Variants in PDGFRL observed in about 807,000 individuals in gnomAD.
The protein encoded by PDGFRL is platelet derived growth factor receptor like.
A neutral mutation model predicts 37.2 loss-of-function variants in PDGFRL; 46 were observed. The ratio of observed to expected loss-of-function variants is 1.24; its 90% confidence interval spans 0.98 to 1.58. The LOEUF (loss-of-function observed/expected upper bound fraction) is 1.58. Ranked by LOEUF, PDGFRL falls within the 40% of genes most tolerant of loss-of-function variation. The pLI is 0.00. For missense variants in PDGFRL, 692 were observed against 467.6 expected (o/e 1.48, Z -4.43); for synonymous variants, 251 against 184.3 (o/e 1.36, Z -2.93).
chr8:17,587,746 G>T (rs140581981), intron 1 of PDGFRL, among the ~76,000 whole-genome samples: 227 of 151,270 alleles, frequency 1.5e-3, no homozygotes, highest in African/African-American at 5.2e-3. Flanking sequence ...TTGTGCCTCA[G>T]CCTCCCGAGT....
At chr8:17,637,140 C>T (rs1804987438) in intron 5 of PDGFRL, among the ~76,000 whole-genome samples, 1 of 152,148 alleles carries the variant, frequency 6.6e-6, no homozygotes, top group Non-Finnish European at 1.5e-5. Flanking sequence ...GCGAGGACTT[C>T]CAGTACTATG....
Position 17,639,183 on chromosome 8 carries a change from C to G in PDGFRL, c.940-3430C>G, listed in dbSNP as rs79421694. On this transcript the variant is annotated intron_variant, in intron 5 of 5. Coordinates refer to ENST00000251630, the MANE Select transcript of PDGFRL (RefSeq NM_001372073.1). ...TGTTAGGTGAGTCTCTTCAAAACAG[C>G]AGATACTTGGTTGGTGACTTCTTAC... Among the ~76,000 whole-genome samples, 60 of 152,248 alleles carry G rather than the reference C, an allele frequency of 3.9e-4. No individual in the cohort carries two copies. In the East Asian group the frequency reaches 0.01, roughly 27 times the overall value.
intron 2 of PDGFRL, among the ~76,000 whole-genome samples, chr8:17,613,261 T>C (rs1804458593): frequency 6.6e-6 from 1 of 152,094 alleles, no homozygotes; most frequent in Non-Finnish European, 1.5e-5. Context: ...GTGTCAGGTA[T>C]GGTTTTGGTT....
chr8:17,601,666 G>C (rs527578433), intron 2 of PDGFRL, among the ~76,000 whole-genome samples: 1 of 152,072 alleles, frequency 6.6e-6, no homozygotes, highest in Non-Finnish European at 1.5e-5. Flanking sequence ...TCCTGTCTTT[G>C]TGTCGAGGTG....
At chr8:17,593,767 T>C (rs1332081770) in intron 2 of PDGFRL, among the ~76,000 whole-genome samples, 1 of 151,846 alleles carries the variant, frequency 6.6e-6, no homozygotes, top group Non-Finnish European at 1.5e-5. Flanking sequence ...GGTACATGAC[T>C]GTAATTCCAG....
At chr8:17,587,836 C>A (rs902275504) in intron 1 of PDGFRL, among the ~76,000 whole-genome samples, 1 of 152,034 alleles carries the variant, frequency 6.6e-6, no homozygotes, top group Non-Finnish European at 1.5e-5. Context: ...CGCCATGTTG[C>A]CCAGGCTGGT....
intron 3 of PDGFRL, among the ~76,000 whole-genome samples, chr8:17,624,362 T>C (rs1391785603): frequency 2.6e-5 from 4 of 152,362 alleles, no homozygotes; most frequent in South Asian, 2.1e-4. Flanking sequence ...GCCGTATGTA[T>C]TTCCTCTTTC....
At chr8:17,603,425 C>G (rs900695094) in intron 2 of PDGFRL, among the ~76,000 whole-genome samples, 1 of 152,122 alleles carries the variant, frequency 6.6e-6, no homozygotes, top group African/African-American at 2.4e-5. Flanking sequence ...TTGATCCCTT[C>G]GAGGCTAATA....
chr8:17,593,867 A>G (rs987131865), intron 2 of PDGFRL, among the ~76,000 whole-genome samples: 2 of 150,548 alleles, frequency 1.3e-5, no homozygotes, highest in Non-Finnish European at 3.0e-5. Context: ...CAGCCTGGGC[A>G]ACAAGAGTGA....
In PDGFRL at chr8:17,633,080, G is replaced by A. The variant is rs149240661; in HGVS notation, c.800-994G>A. Among the ~76,000 whole-genome samples the A allele has an allele frequency of 2.5e-4, 38 of 152,246 alleles. 1 individual carries two copies. In the East Asian group the frequency reaches 7.0e-3, roughly 28 times the overall value. On this transcript the variant is annotated intron_variant, in intron 4 of 5. Transcript: ENST00000251630. ...AGAATACAGATTCCAAGGGCTCAGA[G>A]ATCAGGTCCATCACCCTCCCTGCTC... is the stretch of plus-strand genomic sequence containing the variant.
At chr8:17,630,523 A>G (rs1804840430) in intron 4 of PDGFRL, among the ~76,000 whole-genome samples, 2 of 152,088 alleles carry the variant, frequency 1.3e-5, no homozygotes, top group Admixed American at 6.5e-5. Context: ...TTTGTTTAAA[A>G]TCTTCAGTCC....
intron 1 of PDGFRL, among the ~76,000 whole-genome samples, chr8:17,587,734 T>A (rs1277919837): frequency 1.3e-5 from 2 of 151,590 alleles, no homozygotes; most frequent in African/African-American, 4.9e-5. Context: ...TTCAAGCAGT[T>A]CTTGTGCCTC....
At chr8:17,577,003 T>C, upstream of PDGFRL, 1 of 575,008 alleles carries the variant, frequency 1.7e-6, no homozygotes, top group East Asian at 3.0e-5. Flanking sequence ...ACGCTTAGCC[T>C]TTCCTCCCCG....
intron 2 of PDGFRL, among the ~76,000 whole-genome samples, chr8:17,602,416 T>G (rs1046164298): frequency 3.9e-5 from 6 of 152,134 alleles, no homozygotes; most frequent in Admixed American, 3.3e-4. Context: ...TGTGTTGAGA[T>G]AAATTCAGAT....
chr8:17,636,927 G>C (rs1379909294), intron 5 of PDGFRL, among the ~76,000 whole-genome samples: 2 of 152,136 alleles, frequency 1.3e-5, no homozygotes, highest in Non-Finnish European at 2.9e-5. Flanking sequence ...GTTGCTGTTG[G>C]TTTATAGCAG....
chr8:17,642,783 CA>C lies in PDGFRL; in HGVS notation c.1111del (p.Thr371LeufsTer12). On this transcript the variant is annotated frameshift_variant, in exon 6 of 6. Transcript: ENST00000251630. LOFTEE classifies it high-confidence loss of function. Reference sequence around the variant, plus strand: ...TTCAAGGACAGACCACAGTAGCTACCACTGTTGAGTTTTCCTGACTTGGAAA... The same window carrying C: ...TTCAAGGACAGACCACAGTAGCTACCCTGTTGAGTTTTCCTGACTTGGAAA... ...NLQGQTTVAT[T>X]VEFS 1 of 1,603,270 alleles carries C rather than the reference CA, an allele frequency of 6.2e-7. No homozygotes were observed. Among genetic ancestry groups the C allele is most frequent in the Non-Finnish European group, 8.5e-7 (1 of 1,170,880 alleles).
At chr8:17,608,935 G>C (rs554325169) in intron 2 of PDGFRL, among the ~76,000 whole-genome samples, 1 of 152,288 alleles carries the variant, frequency 6.6e-6, no homozygotes, top group African/African-American at 2.4e-5. Flanking sequence ...GAGCCAAGGA[G>C]GGGCCAGGCA....
At chr8:17,591,496 G>A (rs909292509) in intron 2 of PDGFRL, among the ~76,000 whole-genome samples, 2 of 152,020 alleles carry the variant, frequency 1.3e-5, no homozygotes, top group Non-Finnish European at 2.9e-5. Context: ...TAGAATGAAG[G>A]GTAGGGGATG....
intron 2 of PDGFRL, among the ~76,000 whole-genome samples, 196 bp downstream of exon 2, chr8:17,589,961 G>C (rs1803899723): frequency 6.6e-6 from 1 of 151,944 alleles, no homozygotes; most frequent in Non-Finnish European, 1.5e-5. Flanking sequence ...GCCGGGTGCG[G>C]TGGCTCATGC....
Sources: allele counts gnomAD v4.1 joint callset (sites outside exome capture counted in the v4.1 genomes callset), GRCh38; gene constraint gnomAD v4.1.1; transcripts MANE v1.5; gene names NCBI Gene and HGNC (gene_info 2026-07-23, HGNC 2026-07-21).